SNTA1: variants seen among roughly 807,000 people sequenced by gnomAD.
SNTA1 encodes the protein alpha-1-syntrophin.
In SNTA1, 31 loss-of-function variants were observed where a neutral mutation model predicts 47.1. That is an observed-to-expected ratio of 0.66 (90% CI 0.49 to 0.89). The LOEUF is 0.89. Ranked by LOEUF, SNTA1 falls within the 40% of genes least tolerant of loss-of-function variation. The pLI, the probability that SNTA1 is intolerant of heterozygous loss-of-function variation, is 0.00. For missense variants in SNTA1, 575 were observed against 693.0 expected, an observed-to-expected ratio of 0.83 and a Z score of 1.91; for synonymous variants, 300 against 313.6, an observed-to-expected ratio of 0.96 and a Z score of 0.46.
chr20:33,408,474 A>AC lies in SNTA1; in HGVS notation c.*32dup, dbSNP rs1989649214. 1 of 1,474,570 alleles carries AC rather than the reference A, an allele frequency of 6.8e-7. No individual in the cohort carries two copies. The highest frequency in any genetic ancestry group is 1.4e-5 in the African/African-American group (1 of 72,010). 91.3% of individuals were successfully genotyped at this position (1,474,570 alleles called of 1,614,324 possible). Reference sequence around the variant, plus strand: ...GCCCAGCTCAGGCCATGTCATGGACACCCCTCTTCAGGGCTAGTGCATCCG... The same window carrying AC: ...GCCCAGCTCAGGCCATGTCATGGACACCCCCTCTTCAGGGCTAGTGCATCCG... On this transcript the variant is annotated 3_prime_UTR_variant, in exon 8 of 8. Transcript: ENST00000217381.
At chr20:33,423,989 T>G (rs1354627932) in intron 2 of SNTA1, among the ~76,000 whole-genome samples, 1 of 151,870 alleles carries the variant, frequency 6.6e-6, no homozygotes, top group Non-Finnish European at 1.5e-5. Flanking sequence ...TGCCCTGTTT[T>G]CCAGTTCACT....
In SNTA1 at chr20:33,419,461, G is replaced by T. The variant is rs115449858; in HGVS notation, c.497-1538C>A. Among the ~76,000 whole-genome samples, 1,181 of 152,340 alleles carry T rather than the reference G, an allele frequency of 7.8e-3. 16 individuals are homozygous for T. The highest frequency in any genetic ancestry group is 0.027 in the African/African-American group (1,121 of 41,568). On this transcript the variant is annotated intron_variant, in intron 2 of 7. Coordinates refer to ENST00000217381, the MANE Select transcript of SNTA1 (RefSeq NM_003098.3). ...AGAGGGAGTTACAAACCCTATTGGGGTTGGGATAGAAGCAATGTTGAAAGA... is the reference window on the plus strand; with the variant it reads ...AGAGGGAGTTACAAACCCTATTGGGTTTGGGATAGAAGCAATGTTGAAAGA...
chr20:33,443,420 G>T lies in SNTA1; in HGVS notation c.201C>A (p.Ala67=). 7.5e-7 allele frequency: 1 copy of T among 1,339,236 alleles called. No individual in the cohort carries two copies. The highest frequency in any genetic ancestry group is 1.9e-5 in the South Asian group (1 of 53,612). 83.0% of individuals were successfully genotyped at this position (1,339,236 alleles called of 1,614,324 possible). A position where few individuals can be genotyped will look rare whatever the true frequency, so the allele number is the denominator to read the frequency against. ...REQEPAQLNG[A]AEPGAGPPQL... ...GCGGGGGCCCGGCGCCCGGCTCCGC[G>T]GCGCCGTTGAGCTGCGCGGGCTCCT... Residue 67 remains alanine, a synonymous_variant, in exon 1 of 8, where the codon GCC becomes GCA. Coordinates refer to ENST00000217381, the MANE Select transcript of SNTA1 (RefSeq NM_003098.3).
intron 6 of SNTA1, 45 bp downstream of exon 6, chr20:33,410,090 A>C: frequency 6.2e-7 from 1 of 1,600,428 alleles, no homozygotes; most frequent in Non-Finnish European, 8.6e-7. Flanking sequence ...CCTGGGGATA[A>C]GAGGCTTATT....
At chr20:33,420,783 G>A (rs754652312) in intron 2 of SNTA1, among the ~76,000 whole-genome samples, 5 of 151,838 alleles carry the variant, frequency 3.3e-5, no homozygotes, top group Admixed American at 6.6e-5. Context: ...AGTTTGAGAC[G>A]AGCCTGGCCA....
intron 2 of SNTA1, among the ~76,000 whole-genome samples, chr20:33,423,186 A>G (rs1479457622): frequency 1.3e-5 from 2 of 152,194 alleles, no homozygotes; most frequent in East Asian, 3.8e-4. Context: ...CCTTTCCCAC[A>G]GGAACATGCT....
intron 2 of SNTA1, among the ~76,000 whole-genome samples, chr20:33,423,187 G>A (rs973998988): frequency 2.6e-5 from 4 of 152,192 alleles, no homozygotes; most frequent in Non-Finnish European, 5.9e-5. Context: ...CTTTCCCACA[G>A]GAACATGCTA....
At chr20:33,435,962 G>A (rs73615644) in intron 2 of SNTA1, among the ~76,000 whole-genome samples, 3 of 151,846 alleles carry the variant, frequency 2.0e-5, no homozygotes, top group South Asian at 4.2e-4. Context: ...TGGGAGGCCG[G>A]GGCGGGCAGA....
chr20:33,425,147 C>T (rs1276105039), intron 2 of SNTA1, among the ~76,000 whole-genome samples: 1 of 151,904 alleles, frequency 6.6e-6, no homozygotes, highest in Non-Finnish European at 1.5e-5. Context: ...CATGGTAGAG[C>T]ACACCTGTAG....
intron 2 of SNTA1, among the ~76,000 whole-genome samples, chr20:33,418,792 CAAAAAAAA>C (rs760390793): frequency 1.7e-4 from 10 of 57,450 alleles, no homozygotes; most frequent in African/African-American, 8.7e-4. Flanking sequence ...GACTCTGTCT[CAAAAAAAA>C]AAAAAAAAAA....
At chr20:33,427,948 T>C (rs1402773693) in intron 2 of SNTA1, among the ~76,000 whole-genome samples, 1 of 152,028 alleles carries the variant, frequency 6.6e-6, no homozygotes, top group Non-Finnish European at 1.5e-5. Context: ...GGGGTCTTGC[T>C]ATGTTGTCCA....
chr20:33,429,334 TAAAAAAAAAAAAAAA>T (rs35077145), intron 2 of SNTA1, among the ~76,000 whole-genome samples: 11 of 25,110 alleles, frequency 4.4e-4, no homozygotes, highest in East Asian at 2.4e-3. Flanking sequence ...AGACTCCACC[TAAAAAAAAAAAAAAA>T]AAAAAAAAAA....
intron 2 of SNTA1, among the ~76,000 whole-genome samples, chr20:33,418,183 T>G (rs1989926934): frequency 6.6e-6 from 1 of 151,990 alleles, no homozygotes; most frequent in Non-Finnish European, 1.5e-5. Flanking sequence ...TTCCCCATGG[T>G]TAATAGACAT....
chr20:33,443,737 T>G lies in SNTA1; in HGVS notation c.-117A>C. ...GGCCCGGCTGGGCCAGCCGCCACCCTACCCCGGCCGCTGGGGGAGGAGCTC... is the reference window on the plus strand; with the variant it reads ...GGCCCGGCTGGGCCAGCCGCCACCCGACCCCGGCCGCTGGGGGAGGAGCTC... On this transcript the variant is annotated 5_prime_UTR_variant, in exon 1 of 8. Coordinates refer to ENST00000217381, the MANE Select transcript of SNTA1 (RefSeq NM_003098.3). 7 of 518,388 alleles carry G rather than the reference T, an allele frequency of 1.4e-5. No homozygotes were observed. The highest frequency in any genetic ancestry group is 1.9e-5 in the Non-Finnish European group (7 of 377,310). 32.1% of individuals were successfully genotyped at this position (518,388 alleles called of 1,614,324 possible). A position where few individuals can be genotyped will look rare whatever the true frequency, so the allele number is the denominator to read the frequency against.
intron 5 of SNTA1, among the ~76,000 whole-genome samples, chr20:33,410,694 T>C (rs1471762455): frequency 6.6e-6 from 1 of 152,208 alleles, no homozygotes; most frequent in Non-Finnish European, 1.5e-5. Context: ...TTCCCTGACC[T>C]CCCAGTCCAA....
chr20:33,438,838 T>C lies in SNTA1; in HGVS notation c.496+3A>G, dbSNP rs768667646. On this transcript the variant is annotated splice_donor_region_variant and intron_variant, in intron 2 of 7. Transcript: ENST00000217381. ...CTCTGAACCCTGGAACGTCAGTGCTTACCCTCCAGCACCACCTCCTTGCCT... is the reference window on the plus strand; with the variant it reads ...CTCTGAACCCTGGAACGTCAGTGCTCACCCTCCAGCACCACCTCCTTGCCT... 9 of 1,612,522 alleles carry C rather than the reference T, an allele frequency of 5.6e-6. No homozygotes were observed. In the Admixed American group the frequency reaches 1.5e-4, roughly 27 times the overall value.
chr20:33,419,136 C>A (rs1989959140), intron 2 of SNTA1, among the ~76,000 whole-genome samples: 1 of 152,100 alleles, frequency 6.6e-6, no homozygotes, highest in East Asian at 1.9e-4. Flanking sequence ...TTTCCCAAGA[C>A]CTTGTCTCTC....
At chr20:33,410,962 G>C (rs1448469825) in intron 5 of SNTA1, among the ~76,000 whole-genome samples, 1 of 152,116 alleles carries the variant, frequency 6.6e-6, no homozygotes, top group Non-Finnish European at 1.5e-5. Context: ...GTTATCCCTA[G>C]TAGCCAGCAG....
intron 2 of SNTA1, among the ~76,000 whole-genome samples, chr20:33,418,406 TACC>T (rs900367432): frequency 1.3e-5 from 2 of 151,950 alleles, no homozygotes; most frequent in African/African-American, 4.8e-5. Flanking sequence ...AGGTACGCAC[TACC>T]ACACCCAGCT....
Sources: gnomAD v4.1 joint callset for allele counts (sites outside exome capture counted in the v4.1 genomes callset) on GRCh38, gnomAD v4.1.1 for gene constraint, MANE v1.5 for transcripts, NCBI Gene and HGNC (gene_info 2026-07-23, HGNC 2026-07-21) for gene names.